TRMT2B: variants seen among roughly 807,000 people sequenced by gnomAD.
The protein encoded by TRMT2B is tRNA (uracil-5-)-methyltransferase homolog B.
TRMT2B carries 34 observed loss-of-function variants against 39.7 expected under a neutral mutation model. That is an observed-to-expected ratio of 0.86 (90% confidence interval 0.65 to 1.14). The LOEUF is 1.14. TRMT2B is among the 50% of genes most tolerant of loss of function. The probability of loss-of-function intolerance (pLI) is 0.00; values close to 1 mark genes in which losing one functional copy is unlikely to be tolerated. For missense variants in TRMT2B, 318 were observed against 377.2 expected (o/e 0.84, Z 1.30); for synonymous variants, 132 against 137.3 (o/e 0.96, Z 0.27).
the TRMT2B span, among the ~76,000 whole-genome samples, chrX:100,976,953 TGTAA>T: frequency 5.3e-5 from 6 of 112,835 alleles, no homozygotes; most frequent in African/African-American, 1.3e-4. Flanking sequence ...AATGCCCGTC[TGTAA>T]GTAAGAACTG....
chrX:101,048,925 A>C (rs1480839210), intron 2 of TRMT2B, among the ~76,000 whole-genome samples: 1 of 112,254 alleles, frequency 8.9e-6, no homozygotes, highest in African/African-American at 3.2e-5. Flanking sequence ...GACTGTGCTT[A>C]AGACAGCCAG....
the TRMT2B span, among the ~76,000 whole-genome samples, chrX:100,998,874 G>A: frequency 9.0e-6 from 1 of 111,464 alleles, no homozygotes; most frequent in East Asian, 2.8e-4. Context: ...CAGACACTGT[G>A]CTAGGTGTTA....
At chrX:100,988,423 T>G in the TRMT2B span, 2 of 1,202,761 alleles carry the variant, frequency 1.7e-6, no homozygotes, top group South Asian at 3.6e-5. Flanking sequence ...GTCAGTAACA[T>G]TTGCTTTAGA....
At chrX:100,998,542 G>A in the TRMT2B span, among the ~76,000 whole-genome samples, 1 of 73,462 alleles carries the variant, frequency 1.4e-5, no homozygotes, top group Non-Finnish European at 2.4e-5. Context: ...GCGACAGAGC[G>A]AGATTCTGTC....
chrX:100,977,697 T>C, the TRMT2B span, among the ~76,000 whole-genome samples: 1 of 112,112 alleles, frequency 8.9e-6, no homozygotes, highest in African/African-American at 3.2e-5. Flanking sequence ...TTCTACTCTT[T>C]ATCTCCATGA....
chrX:101,037,523 A>G lies in TRMT2B; in HGVS notation c.438+394T>C, dbSNP rs191392552. On this transcript the variant is annotated intron_variant, in intron 5 of 13. Transcript: ENST00000372936. ...AATTAAATTCCACTCTTCTGAGGCC[A>G]CATTAGAAAGGTTTCCAATGTTACA... 1.4e-3 allele frequency: 234 copies of G among 161,873 alleles called. 1 individual carries two copies. The highest frequency in any genetic ancestry group is 6.9e-3 in the African/African-American group (222 of 32,396). 13.3% of individuals were successfully genotyped at this position (161,873 alleles called of 1,213,427 possible). A position where few individuals can be genotyped will look rare whatever the true frequency, so the allele number is the denominator to read the frequency against.
At chrX:100,983,173 A>G in the TRMT2B span, among the ~76,000 whole-genome samples, 1 of 111,051 alleles carries the variant, frequency 9.0e-6, no homozygotes, top group African/African-American at 3.3e-5. Flanking sequence ...TTGTCAGGGA[A>G]CAACCGCTCA....
chrX:101,002,779 CA>C, the TRMT2B span, among the ~76,000 whole-genome samples: 16,917 of 61,670 alleles, frequency 0.27, 1,305 homozygotes, highest in South Asian at 0.33. Context: ...AACTCTGTCT[CA>C]AAAAAAAAAA....
chrX:100,973,425 C>T, the TRMT2B span, among the ~76,000 whole-genome samples: 15 of 105,491 alleles, frequency 1.4e-4, no homozygotes, highest in Admixed American at 1.4e-3. Context: ...GCCTCCCGGG[C>T]GGCGCTCGCC....
chrX:101,018,160 G>A (rs2086614033), intron 13 of TRMT2B, among the ~76,000 whole-genome samples: 1 of 110,705 alleles, frequency 9.0e-6, no homozygotes, highest in South Asian at 3.8e-4. Context: ...GGGCAACATA[G>A]TGAGACCTTG....
chrX:101,043,174 G>A (rs960038490), intron 2 of TRMT2B, among the ~76,000 whole-genome samples: 4 of 111,468 alleles, frequency 3.6e-5, no homozygotes, highest in Non-Finnish European at 7.5e-5. Context: ...GCTGAGGCAG[G>A]AGAACTGTTT....
At chrX:101,003,404 A>G in the TRMT2B span, among the ~76,000 whole-genome samples, 16 of 107,151 alleles carry the variant, frequency 1.5e-4, no homozygotes, top group Non-Finnish European at 2.9e-4. Context: ...GCTGGAGTAC[A>G]ATGGCACAAT....
At chrX:101,014,085 C>G (rs2086397719) in intron 13 of TRMT2B, among the ~76,000 whole-genome samples, 1 of 110,526 alleles carries the variant, frequency 9.0e-6, no homozygotes, top group Admixed American at 9.7e-5. Flanking sequence ...AGACTCCATC[C>G]CCCGCAAAAA....
At chrX:101,000,514 AC>A in the TRMT2B span, among the ~76,000 whole-genome samples, 1 of 109,970 alleles carries the variant, frequency 9.1e-6, no homozygotes, top group East Asian at 2.8e-4. Flanking sequence ...TTTCTACCAC[AC>A]CCCCCAAAAT....
intron 7 of TRMT2B, among the ~76,000 whole-genome samples, chrX:101,034,290 C>T (rs1430667075): frequency 9.2e-6 from 1 of 108,548 alleles, no homozygotes; most frequent in Non-Finnish European, 1.9e-5. Flanking sequence ...TATAGGCGTG[C>T]GCCACTACGC....
chrX:100,990,215 C>G, the TRMT2B span: 26 of 378,676 alleles, frequency 6.9e-5, no homozygotes, highest in Non-Finnish European at 8.5e-5. Flanking sequence ...GGGGTGCAGT[C>G]TATACCCTGT....
At chrX:101,023,334 C>T in intron 8 of TRMT2B, 136 bp downstream of exon 8, 1 of 627,917 alleles carries the variant, frequency 1.6e-6, no homozygotes, top group East Asian at 3.3e-5. Flanking sequence ...TCATCCCTAA[C>T]CCCTCTCCCC....
At chrX:100,988,531 C>G in the TRMT2B span, 1 of 1,115,977 alleles carries the variant, frequency 9.0e-7, no homozygotes, top group East Asian at 3.5e-5. Context: ...GACTCCAGCT[C>G]CATATGCTGA....
At chrX:101,035,458 A>T (rs1040804183) in intron 7 of TRMT2B, among the ~76,000 whole-genome samples, 155 bp downstream of exon 7, 5 of 111,890 alleles carry the variant, frequency 4.5e-5, no homozygotes, top group African/African-American at 1.6e-4. Flanking sequence ...AAAACCTAGC[A>T]ATGTTTTCTC....
Sources: gnomAD v4.1 joint callset for allele counts (sites outside exome capture counted in the v4.1 genomes callset) on GRCh38, gnomAD v4.1.1 for gene constraint, MANE v1.5 for transcripts, NCBI Gene and HGNC (gene_info 2026-07-23, HGNC 2026-07-21) for gene names.